Variants in IREB2 observed in about 807,000 individuals in gnomAD.
The protein encoded by IREB2 is iron responsive element binding protein 2, also known as iron-responsive element-binding protein 2.
A neutral mutation model predicts 118.8 loss-of-function variants in IREB2; 39 were observed. That is an observed-to-expected ratio of 0.33 (90% CI 0.25 to 0.43). The LOEUF is 0.43. IREB2 is among the 20% of genes least tolerant of loss of function. IREB2 has a pLI of 1.00. For missense variants in IREB2, 900 were observed against 1,147.3 expected (o/e 0.78, Z 3.11); for synonymous variants, 372 against 392.2 (o/e 0.95, Z 0.61).
intron 2 of IREB2, among the ~76,000 whole-genome samples, chr15:78,458,361 A>T (rs1288947249): frequency 6.6e-6 from 1 of 152,190 alleles, no homozygotes; most frequent in Non-Finnish European, 1.5e-5. Context: ...GGGAATGTTG[A>T]TAGTGTGGGA....
chr15:78,469,188 G>A (rs2051333653), intron 5 of IREB2, among the ~76,000 whole-genome samples: 1 of 152,088 alleles, frequency 6.6e-6, no homozygotes, highest in Non-Finnish European at 1.5e-5. Context: ...AAGAAGTTGA[G>A]TAGAAAGATG....
At chr15:78,440,433 A>G (rs1265894814) in intron 2 of IREB2, among the ~76,000 whole-genome samples, 1 of 151,446 alleles carries the variant, frequency 6.6e-6, no homozygotes, top group African/African-American at 2.4e-5. Flanking sequence ...TTGTGATCAT[A>G]GCTCATACAG....
chr15:78,464,153 C>T (rs1222944152), intron 3 of IREB2, among the ~76,000 whole-genome samples: 2 of 152,222 alleles, frequency 1.3e-5, no homozygotes, highest in Non-Finnish European at 2.9e-5. Flanking sequence ...TCCTTGCTGT[C>T]ACACTTGCAA....
chr15:78,487,849 T>G (rs1277086054), intron 14 of IREB2, 32 bp downstream of exon 14: 4 of 1,274,538 alleles, frequency 3.1e-6, no homozygotes, highest in Non-Finnish European at 3.4e-6. Flanking sequence ...GACATCTAAA[T>G]GATTTTCTTA....
chr15:78,477,302 G>A (rs1407347004), intron 9 of IREB2, among the ~76,000 whole-genome samples: 6 of 152,248 alleles, frequency 3.9e-5, no homozygotes, highest in East Asian at 1.9e-4. Context: ...CAGTGGGGTC[G>A]GTAATTCAGA....
chr15:78,453,298 G>A (rs1393318224), intron 2 of IREB2, among the ~76,000 whole-genome samples: 2 of 152,254 alleles, frequency 1.3e-5, no homozygotes, highest in East Asian at 3.9e-4. Flanking sequence ...GTAATTATTA[G>A]CTCTTTTGAA....
At chr15:78,438,171 A>G (rs1236484950), upstream of IREB2, 1 of 589,854 alleles carries the variant, frequency 1.7e-6, no homozygotes, top group Middle Eastern at 2.8e-4. Flanking sequence ...AAATCCCGCG[A>G]GCGCAGACCC....
chr15:78,476,089 A>G (rs544850526), intron 8 of IREB2, 99 bp from the exon 9 acceptor site: 11 of 760,400 alleles, frequency 1.4e-5, no homozygotes, highest in Admixed American at 1.3e-4. Context: ...CTTCACCATC[A>G]CTAGTATTGG....
At chr15:78,481,531 T>TTC in intron 10 of IREB2, among the ~76,000 whole-genome samples, 1 of 150,670 alleles carries the variant, frequency 6.6e-6, no homozygotes, top group South Asian at 2.1e-4. Flanking sequence ...AATTTTTTTT[T>TTC]TTTTTTTGTA....
chr15:78,498,517 G>A lies in IREB2; in HGVS notation c.*374G>A, dbSNP rs2051881553. ...TGCACCAATAAAACTGTGTACTACT[G>A]TTTGTTGGTTTAAGAGTAGCAGATT... On this transcript the variant is annotated 3_prime_UTR_variant, in exon 22 of 22. Transcript: ENST00000258886. The A allele has an allele frequency of 6.4e-6, 1 of 156,364 alleles. No homozygotes were observed. The highest frequency in any genetic ancestry group is 1.4e-5 in the Non-Finnish European group (1 of 70,628). The allele number at this position is 156,364 out of a possible 1,614,324, so 9.7% of individuals were successfully genotyped here.
chr15:78,485,733 T>C lies in IREB2; in HGVS notation c.1602T>C (p.Ala534=). The C allele has an allele frequency of 6.2e-7, 1 of 1,613,922 alleles. No homozygotes were observed. The highest frequency in any genetic ancestry group is 2.2e-5 in the East Asian group (1 of 44,852). The change falls in exon 13 of 22, where the codon GCT becomes GCC. Residue 534 remains alanine, a synonymous_variant. Transcript: ENST00000258886. ...TTTTGGCTAAAAAGGCTGTTGAAGC[T>C]GGTCTGCGTGTTAAACCTTATATAA... ...AGLLAKKAVE[A]GLRVKPYIRT...
At chr15:78,468,537 C>A (rs891312806) in intron 5 of IREB2, among the ~76,000 whole-genome samples, 4 of 147,510 alleles carry the variant, frequency 2.7e-5, no homozygotes, top group African/African-American at 1.0e-4. Flanking sequence ...TGGCACTCCA[C>A]CTGGCTTTTT....
At chr15:78,454,713 A>G (rs80021936) in intron 2 of IREB2, among the ~76,000 whole-genome samples, 3,356 of 152,322 alleles carry the variant, frequency 0.022, 131 homozygotes, top group East Asian at 0.095. Context: ...ATTTATTTAG[A>G]GACAGGGTCT....
At position 78,490,495 on chromosome 15, in the gene IREB2, A is replaced by C. The variant is rs770731091; in HGVS notation, c.2150A>C (p.Tyr717Ser). The C allele has an allele frequency of 1.2e-6, 2 of 1,607,966 alleles. No individual in the cohort carries two copies. Among genetic ancestry groups the C allele is most frequent in the East Asian group, 2.2e-5 (1 of 44,852 alleles). The change falls in exon 17 of 22, where the codon TAT (tyrosine) becomes TCT (serine). Residue 717 changes from tyrosine to serine, a missense_variant. Coordinates refer to ENST00000258886, the MANE Select transcript of IREB2 (RefSeq NM_004136.4). ...TTTCCATGGGACTTAAAGTCTACTT[A>C]TATCAGATGCCCTTCATTTTTTGAT... Reference protein sequence around the residue: ...VLFPWDLKSTYIRCPSFFDKL... With the variant: ...VLFPWDLKSTSIRCPSFFDKL...
In IREB2 at chr15:78,473,357, A is replaced by G. The variant is rs540285345; in HGVS notation, c.999A>G (p.Ile333Met). 1 of 1,613,672 alleles carries G rather than the reference A, an allele frequency of 6.2e-7. No homozygotes were observed. Among genetic ancestry groups the G allele is most frequent in the Non-Finnish European group, 8.5e-7 (1 of 1,179,554 alleles). ...CATCAAACCCTTTTGTTACATCCAT[A>G]GATGTTGTTCTTGGTATTACAAAGG... is the stretch of plus-strand genomic sequence containing the variant. ...TGSSNPFVTS[I>M]DVVLGITKHL... is the part of the protein sequence containing the mutation. The change falls in exon 8 of 22, where the codon ATA becomes ATG. Residue 333 changes from isoleucine to methionine, a missense_variant. By Grantham distance (10) the Ile-to-Met change is conservative. Transcript: ENST00000258886.
At chr15:78,451,354 A>T (rs2051022544) in intron 2 of IREB2, among the ~76,000 whole-genome samples, 1 of 139,984 alleles carries the variant, frequency 7.1e-6, no homozygotes, top group Non-Finnish European at 1.6e-5. Flanking sequence ...ACTGTTCTTT[A>T]AAAAAAAAAA....
At chr15:78,464,233 A>G (rs993952928) in intron 3 of IREB2, among the ~76,000 whole-genome samples, 1 of 152,180 alleles carries the variant, frequency 6.6e-6, no homozygotes, top group East Asian at 1.9e-4. Flanking sequence ...TTATCCCTCC[A>G]TATACCAGTT....
chr15:78,442,988 T>A (rs2050868092), intron 2 of IREB2, among the ~76,000 whole-genome samples: 1 of 152,202 alleles, frequency 6.6e-6, no homozygotes, highest in African/African-American at 2.4e-5. Context: ...TCAAGAAGGC[T>A]GAAAGATGGA....
intron 2 of IREB2, among the ~76,000 whole-genome samples, chr15:78,456,897 T>C (rs1360383783): frequency 6.6e-6 from 1 of 152,198 alleles, no homozygotes; most frequent in Admixed American, 6.5e-5. Flanking sequence ...GCCCTTCTTA[T>C]ACTACTCTTT....
Sources: allele counts gnomAD v4.1 joint callset (sites outside exome capture counted in the v4.1 genomes callset), GRCh38; gene constraint gnomAD v4.1.1; transcripts MANE v1.5; gene names NCBI Gene and HGNC (gene_info 2026-07-23, HGNC 2026-07-21).